The following USP10 variants were observed in gnomAD, a reference collection of about 807,000 sequenced individuals.
USP10 encodes ubiquitin specific peptidase 10, also known as ubiquitin carboxyl-terminal hydrolase 10.
Under a neutral mutation model 84.5 loss-of-function variants are expected in USP10, and 22 were observed. The ratio of observed to expected loss-of-function variants is 0.26; its 90% confidence interval spans 0.19 to 0.37. The LOEUF (loss-of-function observed/expected upper bound fraction) is 0.37, where lower values mean the gene tolerates loss of function less well. USP10 is among the 10% of genes least tolerant of loss of function. The pLI is 1.00. For missense variants in USP10, 1,019 were observed against 998.9 expected, an observed-to-expected ratio of 1.02 and a Z score of -0.27; for synonymous variants, 454 against 387.6, an observed-to-expected ratio of 1.17 and a Z score of -2.01.
chr16:84,722,569 C>G (rs1247132318), intron 1 of USP10, among the ~76,000 whole-genome samples: 3 of 152,068 alleles, frequency 2.0e-5, no homozygotes, highest in East Asian at 1.9e-4. Context: ...TATTGTCAGT[C>G]TTCTTTTTTT....
chr16:84,722,257 G>A (rs114452686), intron 1 of USP10, among the ~76,000 whole-genome samples: 1,621 of 152,324 alleles, frequency 0.011, 28 homozygotes, highest in African/African-American at 0.036. Flanking sequence ...ATTTAGCCAT[G>A]TTGAGTGTTG....
intron 1 of USP10, chr16:84,709,314 A>C (rs1905966248): frequency 6.6e-6 from 1 of 152,254 alleles, no homozygotes; most frequent in Admixed American, 6.5e-5. Flanking sequence ...TGGGGACAGC[A>C]TGTGTGGTGG....
At chr16:84,758,225 C>A (rs1912810015) in intron 4 of USP10, among the ~76,000 whole-genome samples, 1 of 152,128 alleles carries the variant, frequency 6.6e-6, no homozygotes, top group Admixed American at 6.6e-5. Flanking sequence ...CACTGAACAG[C>A]CATTGAACAC....
Position 84,744,905 on chromosome 16 carries a change from G to A in USP10, c.424G>A (p.Gly142Ser). ...AEVLENDGVS[G>S]GLGQRERKKK... ...AGTTTTGGAAAATGATGGTGTCTCA[G>A]GTGGTCTTGGACAAAGGGAGCGTAA... The change falls in exon 4 of 14, where the codon GGT becomes AGT. Residue 142 changes from glycine (G) to serine (S), a missense_variant. Gly to Ser is a moderately conservative substitution (Grantham distance 56, BLOSUM62 0). This residue lies in a region of USP10 where 787 missense variants were observed against 708.8 expected (regional missense o/e 1.11). Coordinates refer to ENST00000219473, the MANE Select transcript of USP10 (RefSeq NM_005153.3). 1 of 1,613,806 alleles carries A rather than the reference G, an allele frequency of 6.2e-7. No individual in the cohort carries two copies. The highest frequency in any genetic ancestry group is 1.7e-4 in the Middle Eastern group (1 of 6,056).
chr16:84,752,549 T>C (rs1366737230), intron 4 of USP10, among the ~76,000 whole-genome samples: 1 of 152,202 alleles, frequency 6.6e-6, no homozygotes, highest in Non-Finnish European at 1.5e-5. Context: ...AATGAAAATG[T>C]TGATGTTGAA....
rs1462757646 is a variant in USP10, at chr16:84,779,909, A to G, written c.*827A>G. ...GTTGTCGCCCATCAATAAAAATCACAAAGTTGGTTTAAAGGTGTGTGCGTG... is the reference window on the plus strand; with the variant it reads ...GTTGTCGCCCATCAATAAAAATCACGAAGTTGGTTTAAAGGTGTGTGCGTG... On this transcript the variant is annotated 3_prime_UTR_variant, in exon 14 of 14. Transcript: ENST00000219473. 1 of 152,192 alleles carries G rather than the reference A, an allele frequency of 6.6e-6. No homozygotes were observed. Among genetic ancestry groups the G allele is most frequent in the Non-Finnish European group, 1.5e-5 (1 of 68,036 alleles). The allele number at this position is 152,192 out of a possible 1,614,324, so 9.4% of individuals were successfully genotyped here. A position where few individuals can be genotyped will look rare whatever the true frequency, so the allele number is the denominator to read the frequency against.
At chr16:84,724,659 A>G (rs563304516) in intron 1 of USP10, among the ~76,000 whole-genome samples, 2 of 152,290 alleles carry the variant, frequency 1.3e-5, no homozygotes, top group East Asian at 3.9e-4. Context: ...TGCCATTTGT[A>G]ACACTTAGTT....
chr16:84,763,322 A>G (rs1048940405), intron 9 of USP10, among the ~76,000 whole-genome samples: 2 of 152,220 alleles, frequency 1.3e-5, no homozygotes, highest in Admixed American at 6.5e-5. Context: ...AAGCCTATAA[A>G]AAAGCTGAAA....
At chr16:84,703,096 C>T (rs577577483) in intron 1 of USP10, among the ~76,000 whole-genome samples, 13 of 151,668 alleles carry the variant, frequency 8.6e-5, no homozygotes, top group African/African-American at 2.9e-4. Context: ...GTTGGTTGAT[C>T]CCTGTTACCT....
intron 1 of USP10, among the ~76,000 whole-genome samples, chr16:84,709,884 G>C (rs1386771534): frequency 6.6e-6 from 1 of 151,830 alleles, no homozygotes; most frequent in Non-Finnish European, 1.5e-5. Context: ...TGTGTAGGGT[G>C]AAGTGGTTAG....
chr16:84,734,662 T>C (rs1008725791), intron 2 of USP10, among the ~76,000 whole-genome samples: 1 of 152,352 alleles, frequency 6.6e-6, no homozygotes, highest in Non-Finnish European at 1.5e-5. Flanking sequence ...GATTTTTTTT[T>C]CCTTATAGTT....
intron 1 of USP10, among the ~76,000 whole-genome samples, chr16:84,712,720 T>G (rs762214396): frequency 1.1e-4 from 16 of 152,234 alleles, no homozygotes; most frequent in Non-Finnish European, 2.2e-4. Context: ...TTAGAATGCA[T>G]GAGTGACCCC....
Position 84,742,737 on chromosome 16 carries a change from G to C in USP10, c.152-1896G>C, listed in dbSNP as rs115065800. On this transcript the variant is annotated intron_variant, in intron 3 of 13. Coordinates refer to ENST00000219473, the MANE Select transcript of USP10 (RefSeq NM_005153.3). Reference sequence around the variant, plus strand: ...AAGGCACATGGCGTCCATTGTGAGTGTTCCTCCATAAGAAGAGGAACTGTG... The same window carrying C: ...AAGGCACATGGCGTCCATTGTGAGTCTTCCTCCATAAGAAGAGGAACTGTG... Among the ~76,000 whole-genome samples, 1,243 of 152,304 alleles carry C rather than the reference G, an allele frequency of 8.2e-3. 11 individuals are homozygous for C. Among genetic ancestry groups the C allele is most frequent in the African/African-American group, 0.028 (1,163 of 41,568 alleles).
intron 1 of USP10, among the ~76,000 whole-genome samples, chr16:84,715,138 C>T (rs967864885): frequency 2.0e-5 from 3 of 152,012 alleles, no homozygotes; most frequent in South Asian, 2.1e-4. Context: ...CCATATTGGC[C>T]GGTCTGGTCT....
In USP10 at chr16:84,768,043, TA is replaced by T; in HGVS notation, c.1833-147del. ...AGCACATCTTCAGCAGAATTATTTTTAAATTCAGTATATTTTTGGCTTTTCT... is the reference window on the plus strand; with the variant it reads ...AGCACATCTTCAGCAGAATTATTTTTAATTCAGTATATTTTTGGCTTTTCT... On this transcript the variant is annotated intron_variant, in intron 10 of 13. Coordinates refer to ENST00000219473, the MANE Select transcript of USP10 (RefSeq NM_005153.3). 3 of 793,310 alleles carry T rather than the reference TA, an allele frequency of 3.8e-6. No homozygotes were observed. The South Asian group carries it at 5.8e-5, about 15-fold the overall frequency. The allele number at this position is 793,310 out of a possible 1,614,324, so 49.1% of individuals were successfully genotyped here. A position where few individuals can be genotyped will look rare whatever the true frequency, so the allele number is the denominator to read the frequency against.
intron 1 of USP10, among the ~76,000 whole-genome samples, chr16:84,719,164 C>G (rs1907458288): frequency 6.6e-6 from 1 of 152,262 alleles, no homozygotes; most frequent in South Asian, 2.1e-4. Context: ...CTTAAAAGCA[C>G]TAAAAGAGTT....
In USP10 at chr16:84,779,107, C is replaced by T. The variant is rs532550299; in HGVS notation, c.*25C>T. 13 of 1,595,610 alleles carry T rather than the reference C, an allele frequency of 8.1e-6. No individual in the cohort carries two copies. In the African/African-American group the frequency reaches 1.3e-4, roughly 16 times the overall value. Reference sequence around the variant, plus strand: ...AACCCTGTGTGCGCTGTGTGTGCGCCCAGTGCCCGCTTCGTAGGACACCAC... The same window carrying T: ...AACCCTGTGTGCGCTGTGTGTGCGCTCAGTGCCCGCTTCGTAGGACACCAC... On this transcript the variant is annotated 3_prime_UTR_variant, in exon 14 of 14. Transcript: ENST00000219473.
chr16:84,706,641 C>T (rs1004814873), intron 1 of USP10, among the ~76,000 whole-genome samples: 1 of 151,624 alleles, frequency 6.6e-6, no homozygotes, highest in South Asian at 2.1e-4. Context: ...CCCGGGTTCA[C>T]GCCATTCTCC....
intron 10 of USP10, 42 bp downstream of exon 10, chr16:84,764,305 G>T: frequency 2.5e-6 from 4 of 1,613,184 alleles, no homozygotes; most frequent in Non-Finnish European, 3.4e-6. Flanking sequence ...GCCTTTTCTA[G>T]GGTTTTGCCA....
Sources: allele counts gnomAD v4.1 joint callset (sites outside exome capture counted in the v4.1 genomes callset), GRCh38; gene constraint gnomAD v4.1.1; regional missense constraint gnomAD v4.1.1; transcripts MANE v1.5; gene names NCBI Gene and HGNC (gene_info 2026-07-23, HGNC 2026-07-21).